The following NWD2 variants were observed in gnomAD, a reference collection of about 807,000 sequenced individuals.
The protein encoded by NWD2 is NACHT and WD repeat domain-containing protein 2.
In NWD2, 37 loss-of-function variants were observed where a neutral mutation model predicts 132.7. The observed-to-expected ratio is 0.28, with a 90% confidence interval of 0.21 to 0.37. NWD2 has a LOEUF of 0.37. Ranked by LOEUF, NWD2 falls within the 10% of genes least tolerant of loss-of-function variation. NWD2 has a pLI of 1.00. For synonymous variants in NWD2, 705 were observed against 803.0 expected (o/e 0.88, Z 2.06); for missense variants, 1,592 against 2,122.4 (o/e 0.75, Z 4.91).
chr4:37,352,113 T>C (rs1356044861), intron 2 of NWD2, among the ~76,000 whole-genome samples: 1 of 152,186 alleles, frequency 6.6e-6, no homozygotes, highest in Non-Finnish European at 1.5e-5. Flanking sequence ...GGGGTCAATT[T>C]TAGAATAAGT....
At chr4:37,414,218 G>A (rs1447108160) in intron 3 of NWD2, among the ~76,000 whole-genome samples, 1 of 152,108 alleles carries the variant, frequency 6.6e-6, no homozygotes, top group Admixed American at 6.6e-5. Flanking sequence ...TCATGATGAA[G>A]GAATTTTTGT....
In NWD2 at chr4:37,303,834, GT is replaced by G. The variant is rs571973137; in HGVS notation, c.152-22096del. 4.6e-3 allele frequency among the ~76,000 whole-genome samples: 700 copies of G among 152,240 alleles called. 5 individuals are homozygous for G. Among genetic ancestry groups the G allele is most frequent in the South Asian group, 7.5e-3 (36 of 4,824 alleles). On this transcript the variant is annotated intron_variant, in intron 1 of 6. Coordinates refer to ENST00000309447, the MANE Select transcript of NWD2 (RefSeq NM_001144990.2). The stretch of plus-strand genomic sequence containing the variant: ...TCAATTTTAAGAGTTATTTAATAGA[GT>G]TTTTTGTCTTTTAGTTTTTCTATAT...
intron 3 of NWD2, among the ~76,000 whole-genome samples, chr4:37,418,165 G>A (rs578209055): frequency 1.4e-4 from 21 of 151,972 alleles, no homozygotes; most frequent in Non-Finnish European, 1.2e-4. Context: ...AGGATGGAAG[G>A]GTGGTAAGTC....
At chr4:37,402,829 G>A (rs907415648) in intron 3 of NWD2, among the ~76,000 whole-genome samples, 2 of 152,126 alleles carry the variant, frequency 1.3e-5, no homozygotes, top group East Asian at 3.8e-4. Context: ...CCAAGTCTAA[G>A]ATTTTGTTAT....
intron 1 of NWD2, among the ~76,000 whole-genome samples, chr4:37,297,688 T>C (rs1577659565): frequency 3.3e-5 from 5 of 152,330 alleles, no homozygotes; most frequent in Admixed American, 3.3e-4. Flanking sequence ...TCTTTTTCTT[T>C]CTTGACATTG....
intron 3 of NWD2, among the ~76,000 whole-genome samples, chr4:37,423,785 T>C (rs1048142894): frequency 1.3e-5 from 2 of 152,192 alleles, no homozygotes; most frequent in African/African-American, 4.8e-5. Flanking sequence ...TCCAGTCATG[T>C]TGACACATAG....
In NWD2 at chr4:37,445,385, T is replaced by G; in HGVS notation, c.3397T>G (p.Leu1133Val). 1 of 1,552,152 alleles carries G rather than the reference T, an allele frequency of 6.4e-7. No homozygotes were observed. Among genetic ancestry groups the G allele is most frequent in the East Asian group, 2.4e-5 (1 of 40,924 alleles). ...TIFHLGSGEK[L>V]CTVTSEFSGG... Reference sequence around the variant, plus strand: ...ATTTCATTTAGGGAGTGGAGAAAAGTTATGTACAGTGACATCAGAATTTTC... The same window carrying G: ...ATTTCATTTAGGGAGTGGAGAAAAGGTATGTACAGTGACATCAGAATTTTC... Residue 1133 changes from leucine to valine, a missense_variant, in exon 7 of 7, where the codon TTA (leucine) becomes GTA (valine). Leu to Val is a conservative substitution (Grantham distance 32). Coordinates refer to ENST00000309447, the MANE Select transcript of NWD2 (RefSeq NM_001144990.2). The surrounding 1 kb of genome is among the most constrained non-coding windows in gnomAD (Gnocchi z 4.7).
At chr4:37,379,551 G>A (rs1720412114) in intron 3 of NWD2, among the ~76,000 whole-genome samples, 2 of 152,106 alleles carry the variant, frequency 1.3e-5, no homozygotes, top group South Asian at 4.1e-4. Flanking sequence ...CCTCCAGGAG[G>A]TATTCAGATT....
intron 1 of NWD2, among the ~76,000 whole-genome samples, chr4:37,320,174 CT>C (rs1191861655): frequency 2.0e-5 from 3 of 152,032 alleles, no homozygotes; most frequent in Non-Finnish European, 2.9e-5. Flanking sequence ...TATAGTTCTT[CT>C]TGTAGAGATC....
intron 3 of NWD2, among the ~76,000 whole-genome samples, chr4:37,404,374 A>G (rs1720954993): frequency 6.6e-6 from 1 of 152,160 alleles, no homozygotes; most frequent in East Asian, 1.9e-4. Flanking sequence ...GCCTAGCTGT[A>G]TACCCCATCT....
chr4:37,259,237 T>G (rs971956400), intron 1 of NWD2, among the ~76,000 whole-genome samples: 1 of 152,196 alleles, frequency 6.6e-6, no homozygotes, highest in Non-Finnish European at 1.5e-5. Context: ...ACTCTATGTT[T>G]TATATCTTAT....
chr4:37,275,969 A>C (rs1267111249), intron 1 of NWD2, among the ~76,000 whole-genome samples: 2 of 152,168 alleles, frequency 1.3e-5, no homozygotes, highest in Non-Finnish European at 2.9e-5. Flanking sequence ...TAAAGACTTA[A>C]ATGTTAGACC....
In NWD2 at chr4:37,361,339, C is replaced by T. The variant is rs1719977600; in HGVS notation, c.357+4857C>T. Among the ~76,000 whole-genome samples the T allele has an allele frequency of 2.0e-5, 3 of 152,020 alleles. No homozygotes were observed. The South Asian group carries it at 6.2e-4, about 32-fold the overall frequency. On this transcript the variant is annotated intron_variant, in intron 3 of 6. Transcript: ENST00000309447. ...ACTCATTCTTAAAAACCAGCATCAC[C>T]CTGATACCTGGCAAAAGACAAAACC...
At chr4:37,357,089 G>A (rs942505889) in intron 3 of NWD2, among the ~76,000 whole-genome samples, 6 of 152,040 alleles carry the variant, frequency 3.9e-5, no homozygotes, top group Non-Finnish European at 7.4e-5. Context: ...GTGTTAGCAC[G>A]GTGGCAGTAA....
At chr4:37,411,299 G>A (rs1009025857) in intron 3 of NWD2, among the ~76,000 whole-genome samples, 1 of 152,258 alleles carries the variant, frequency 6.6e-6, no homozygotes, top group Non-Finnish European at 1.5e-5. Flanking sequence ...TGATACAGGG[G>A]ATATCACCAC....
chr4:37,448,534 T>G lies in NWD2; in HGVS notation c.*1317T>G, dbSNP rs1038675596. On this transcript the variant is annotated 3_prime_UTR_variant, in exon 7 of 7. Transcript: ENST00000309447. ...TTGCATCTCAAAAGGTGAAGATGAT[T>G]GTTCTTTCTTCCATATCCTCCTTAC... The G allele has an allele frequency of 9.9e-5, 15 of 152,222 alleles. No individual in the cohort carries two copies. The highest frequency in any genetic ancestry group is 3.4e-4 in the African/African-American group (14 of 41,452). The allele number at this position is 152,222 out of a possible 1,614,324, so 9.4% of individuals were successfully genotyped here. A position where few individuals can be genotyped will look rare whatever the true frequency, so the allele number is the denominator to read the frequency against.
chr4:37,333,935 T>A (rs1231959220), intron 2 of NWD2, among the ~76,000 whole-genome samples: 1 of 151,974 alleles, frequency 6.6e-6, no homozygotes, highest in Non-Finnish European at 1.5e-5. Flanking sequence ...TACTGAGGAA[T>A]GTATCAGAGT....
intron 3 of NWD2, among the ~76,000 whole-genome samples, chr4:37,380,333 A>T (rs1045941134): frequency 2.6e-5 from 4 of 152,230 alleles, no homozygotes; most frequent in Admixed American, 1.3e-4. Context: ...TAAATGGCAG[A>T]TGTTATTTTG....
chr4:37,278,719 T>C (rs2109267121), intron 1 of NWD2, among the ~76,000 whole-genome samples: 1 of 152,322 alleles, frequency 6.6e-6, no homozygotes, highest in South Asian at 2.1e-4. Context: ...ATCAGTGTGA[T>C]GAACTGGACC....
Sources: allele counts gnomAD v4.1 joint callset (sites outside exome capture counted in the v4.1 genomes callset), GRCh38; gene constraint gnomAD v4.1.1; non-coding constraint Gnocchi (gnomAD v3.1); transcripts MANE v1.5; gene names NCBI Gene and HGNC (gene_info 2026-07-23, HGNC 2026-07-21).